CNTNAP2: variants seen among roughly 807,000 people sequenced by gnomAD.
CNTNAP2 encodes contactin-associated protein-like 2.
CNTNAP2 carries 98 observed loss-of-function variants against 155.2 expected under a neutral mutation model. That is an observed-to-expected ratio of 0.63 (90% CI 0.54 to 0.75). The LOEUF (loss-of-function observed/expected upper bound fraction) is 0.75, where lower values mean the gene tolerates loss of function less well. Ranked by LOEUF, CNTNAP2 falls within the 30% of genes least tolerant of loss-of-function variation. CNTNAP2 has a pLI of 0.00. For missense variants in CNTNAP2, 1,727 were observed against 1,688.1 expected, an observed-to-expected ratio of 1.02 and a Z score of -0.40; for synonymous variants, 651 against 631.2, an observed-to-expected ratio of 1.03 and a Z score of -0.47.
chr7:146,350,622 A>G (rs565496047), intron 1 of CNTNAP2, among the ~76,000 whole-genome samples: 5,878 of 150,978 alleles, frequency 0.039, 236 homozygotes, highest in African/African-American at 0.1. Flanking sequence ...TCAGTGTGGC[A>G]ATTCCTCAGG....
intron 3 of CNTNAP2, among the ~76,000 whole-genome samples, chr7:146,887,437 G>A (rs571861340): frequency 1.4e-4 from 22 of 151,956 alleles, no homozygotes; most frequent in South Asian, 4.2e-4. Flanking sequence ...CCGAGGCAGC[G>A]GATCACCTGA....
intron 3 of CNTNAP2, among the ~76,000 whole-genome samples, chr7:146,847,169 A>G (rs1285696112): frequency 6.6e-6 from 1 of 152,158 alleles, no homozygotes; most frequent in East Asian, 1.9e-4. Context: ...AATAATTTGA[A>G]TAAGATATCA....
rs543444631 is a variant in CNTNAP2, at chr7:147,580,580, G to A, written c.1897+18323G>A. On this transcript the variant is annotated intron_variant, in intron 12 of 23. Coordinates refer to ENST00000361727, the MANE Select transcript of CNTNAP2 (RefSeq NM_014141.6). Reference sequence around the variant, plus strand: ...CCTTGTATTGCTGTCTATTTCCATCGGTTTGCAAAATGATGTTGATCTTGT... The same window carrying A: ...CCTTGTATTGCTGTCTATTTCCATCAGTTTGCAAAATGATGTTGATCTTGT... Among the ~76,000 whole-genome samples the A allele has an allele frequency of 4.0e-5, 6 of 151,386 alleles. No individual in the cohort carries two copies. The South Asian group carries it at 6.3e-4, about 16-fold the overall frequency.
intron 1 of CNTNAP2, among the ~76,000 whole-genome samples, chr7:146,479,161 C>G (rs1172842184): frequency 1.3e-5 from 2 of 152,126 alleles, no homozygotes; most frequent in South Asian, 2.1e-4. Flanking sequence ...AACCTACCTA[C>G]CTTTAGTTTT....
chr7:146,886,415 C>T (rs1795661307), intron 3 of CNTNAP2, among the ~76,000 whole-genome samples: 1 of 151,972 alleles, frequency 6.6e-6, no homozygotes, highest in Admixed American at 6.6e-5. Context: ...AATTGCAGCA[C>T]TATAATTCTT....
chr7:146,623,145 C>G (rs868196746), intron 1 of CNTNAP2, among the ~76,000 whole-genome samples: 7 of 151,998 alleles, frequency 4.6e-5, no homozygotes, highest in African/African-American at 1.7e-4. Context: ...GTCTTGCAAA[C>G]TCTATTTCCA....
chr7:147,592,888 A>G (rs543278713), intron 12 of CNTNAP2, among the ~76,000 whole-genome samples: 26 of 152,058 alleles, frequency 1.7e-4, no homozygotes, highest in African/African-American at 5.5e-4. Context: ...CTCTAGAGAA[A>G]CTCTTCCAAA....
intron 3 of CNTNAP2, among the ~76,000 whole-genome samples, chr7:146,906,557 A>G (rs868673581): frequency 2.4e-3 from 365 of 151,742 alleles, no homozygotes; most frequent in African/African-American, 7.2e-3. Context: ...CACCTCACAC[A>G]GCAGGGTATT....
chr7:146,622,475 G>A (rs1585011466), intron 1 of CNTNAP2, among the ~76,000 whole-genome samples: 1 of 151,938 alleles, frequency 6.6e-6, no homozygotes, highest in Non-Finnish European at 1.5e-5. Context: ...ATGTATATAT[G>A]CATATCTATA....
At chr7:147,825,685 A>G (rs565903386) in intron 13 of CNTNAP2, among the ~76,000 whole-genome samples, 1 of 152,320 alleles carries the variant, frequency 6.6e-6, no homozygotes, top group South Asian at 2.1e-4. Context: ...TAATCCAGAT[A>G]AAAAGAGAAG....
chr7:148,047,793 C>T (rs980851402), intron 15 of CNTNAP2, among the ~76,000 whole-genome samples: 6 of 152,178 alleles, frequency 3.9e-5, no homozygotes, highest in African/African-American at 1.4e-4. Context: ...AGTTTGCAAA[C>T]ATGGAATCCG....
chr7:147,260,405 G>T (rs1015447512), intron 8 of CNTNAP2, among the ~76,000 whole-genome samples: 1 of 152,076 alleles, frequency 6.6e-6, no homozygotes, highest in African/African-American at 2.4e-5. Context: ...AGATTCAAAA[G>T]CACTTTTAAT....
intron 1 of CNTNAP2, among the ~76,000 whole-genome samples, chr7:146,715,005 G>A (rs950965589): frequency 6.6e-6 from 1 of 152,106 alleles, no homozygotes; most frequent in African/African-American, 2.4e-5. Context: ...AAGGGAAAGA[G>A]ATAAAGCAAG....
At chr7:146,659,549 G>A (rs1321027261) in intron 1 of CNTNAP2, among the ~76,000 whole-genome samples, 2 of 152,188 alleles carry the variant, frequency 1.3e-5, no homozygotes, top group African/African-American at 4.8e-5. Flanking sequence ...ATAGTAGGCA[G>A]TAGATGGTTT....
At chr7:148,312,069 CAGTG>C (rs1342523866) in intron 21 of CNTNAP2, among the ~76,000 whole-genome samples, 5 of 152,116 alleles carry the variant, frequency 3.3e-5, no homozygotes, top group Admixed American at 2.6e-4. Flanking sequence ...GAACTGTAGA[CAGTG>C]AGTTTAACAC....
intron 15 of CNTNAP2, among the ~76,000 whole-genome samples, chr7:147,996,345 T>A (rs1585068678): frequency 6.6e-6 from 1 of 152,158 alleles, no homozygotes; most frequent in Non-Finnish European, 1.5e-5. Context: ...CCCCTAGAGA[T>A]TTTGATTTGG....
At chr7:148,289,830 C>T (rs1300572766) in intron 21 of CNTNAP2, among the ~76,000 whole-genome samples, 1 of 152,186 alleles carries the variant, frequency 6.6e-6, no homozygotes, top group East Asian at 1.9e-4. Context: ...AGAGACCAGA[C>T]GTTCCCTCTG....
intron 13 of CNTNAP2, among the ~76,000 whole-genome samples, chr7:147,680,890 CAATT>C (rs1337545722): frequency 6.6e-6 from 1 of 151,640 alleles, no homozygotes; most frequent in Non-Finnish European, 1.5e-5. Context: ...TTCTTATACC[CAATT>C]AAATTTTTAT....
At chr7:147,708,754 C>CT (rs1327511342) in intron 13 of CNTNAP2, among the ~76,000 whole-genome samples, 2 of 152,132 alleles carry the variant, frequency 1.3e-5, no homozygotes, top group Non-Finnish European at 2.9e-5. Context: ...CTTCCCCTTC[C>CT]TTTTTTGTTT....
Sources: gnomAD v4.1 joint callset for allele counts (sites outside exome capture counted in the v4.1 genomes callset) on GRCh38, gnomAD v4.1.1 for gene constraint, MANE v1.5 for transcripts, NCBI Gene and HGNC (gene_info 2026-07-23, HGNC 2026-07-21) for gene names.